CLCN7: variants seen among roughly 807,000 people sequenced by gnomAD.
CLCN7 encodes H(+)/Cl(-) exchange transporter 7.
A neutral mutation model predicts 102.1 loss-of-function variants in CLCN7; 60 were observed. The ratio of observed to expected loss-of-function variants is 0.59; its 90% CI spans 0.48 to 0.73. The LOEUF is 0.73. Ranked by LOEUF, CLCN7 falls within the 30% of genes least tolerant of loss-of-function variation. The pLI, the probability that CLCN7 is intolerant of heterozygous loss-of-function variation, is 0.00. For synonymous variants in CLCN7, 560 were observed against 490.5 expected (o/e 1.14, Z -1.87); for missense variants, 962 against 1,125.7 (o/e 0.85, Z 2.08).
rs2142382653 is a variant in CLCN7, at chr16:1,457,647, C to T, written c.738+47G>A. The T allele has an allele frequency of 6.2e-7, 1 of 1,603,298 alleles. No individual in the cohort carries two copies. Among genetic ancestry groups the T allele is most frequent in the East Asian group, 2.2e-5 (1 of 44,782 alleles). On this transcript the variant is annotated intron_variant, in intron 8 of 24. Coordinates refer to ENST00000382745, the MANE Select transcript of CLCN7 (RefSeq NM_001287.6). This position sits in a 1 kb window ranked among gnomAD's most constrained non-coding sequence, Gnocchi z 5.4. Reference sequence around the variant, plus strand: ...CATGGGCGTGGCGGCCCTCGCGGGCCCGGCGGCCTCAGGCTCCAGCTGGAG... The same window carrying T: ...CATGGGCGTGGCGGCCCTCGCGGGCTCGGCGGCCTCAGGCTCCAGCTGGAG...
At position 1,447,461 on chromosome 16, in the gene CLCN7, G is replaced by C; in HGVS notation, c.2181C>G (p.Ser727=). 1.3e-6 allele frequency: 2 copies of C among 1,552,850 alleles called. No individual in the cohort carries two copies. ...CCATGGTGCACTCCCGCTCGTCCTGGGACACGTGGATGGACTGGATGGGTG... is the reference window on the plus strand; with the variant it reads ...CCATGGTGCACTCCCGCTCGTCCTGCGACACGTGGATGGACTGGATGGGTG... The part of the protein sequence containing the change: ...RFPPIQSIHV[S]QDERECTMDL... Residue 727 remains serine (S), a synonymous_variant, in exon 23 of 25, where the codon TCC becomes TCG. Coordinates refer to ENST00000382745, the MANE Select transcript of CLCN7 (RefSeq NM_001287.6).
intron 6 of CLCN7, among the ~76,000 whole-genome samples, chr16:1,459,846 C>T (rs2038903841): frequency 8.3e-6 from 1 of 120,110 alleles, no homozygotes; most frequent in Admixed American, 8.5e-5. Context: ...GAGCTCAGCA[C>T]ACACGTCGGG....
chr16:1,470,728 C>T (rs1596231250), intron 1 of CLCN7, among the ~76,000 whole-genome samples: 1 of 152,344 alleles, frequency 6.6e-6, no homozygotes, highest in East Asian at 1.9e-4. Context: ...GCTCAAGGGG[C>T]CACTGGCGAC....
intron 7 of CLCN7, among the ~76,000 whole-genome samples, chr16:1,458,375 G>T (rs1410744076): frequency 2.0e-5 from 3 of 152,280 alleles, no homozygotes; most frequent in African/African-American, 7.2e-5. Context: ...GCCAACAAAA[G>T]TTATAGAGCA....
chr16:1,465,686 G>C (rs1475302934), intron 1 of CLCN7, among the ~76,000 whole-genome samples: 1 of 152,238 alleles, frequency 6.6e-6, no homozygotes, highest in Admixed American at 6.5e-5. Context: ...ACAGCACCCT[G>C]GGCCATCCTG....
intron 1 of CLCN7, among the ~76,000 whole-genome samples, chr16:1,473,248 C>T (rs1449662902): frequency 2.0e-5 from 3 of 152,124 alleles, no homozygotes; most frequent in African/African-American, 7.2e-5. Context: ...GGGAGCTGAG[C>T]TGCTGCTTCT....
intron 24 of CLCN7, 94 bp from the exon 25 acceptor site, chr16:1,446,811 A>AG: frequency 8.0e-7 from 1 of 1,252,020 alleles, no homozygotes; most frequent in Non-Finnish European, 1.1e-6. Flanking sequence ...CAGCACAGGC[A>AG]GGGGGCCCTG....
At chr16:1,468,633 C>T (rs1221897197) in intron 1 of CLCN7, among the ~76,000 whole-genome samples, 2 of 152,106 alleles carry the variant, frequency 1.3e-5, no homozygotes, top group African/African-American at 4.8e-5. Flanking sequence ...ACACGTGAGC[C>T]AACACTCCCG....
chr16:1,448,322 T>G (rs754012973), intron 21 of CLCN7, 33 bp downstream of exon 21: 2 of 1,611,314 alleles, frequency 1.2e-6, no homozygotes, highest in African/African-American at 2.7e-5. Context: ...AGAGGTCACA[T>G]AGGCAGGACC....
intron 5 of CLCN7, 133 bp from the exon 6 acceptor site, chr16:1,460,660 G>C: frequency 2.3e-6 from 3 of 1,310,624 alleles, no homozygotes; most frequent in Non-Finnish European, 2.2e-6. Context: ...GGACATCCCA[G>C]AGACGTCTCA....
At chr16:1,451,484 G>T (rs2038749554) in intron 16 of CLCN7, 139 bp downstream of exon 16, 1 of 688,750 alleles carries the variant, frequency 1.5e-6, no homozygotes, top group Non-Finnish European at 2.6e-6. Flanking sequence ...GATTACAGGA[G>T]TGAGTCCCTG....
At position 1,461,660 on chromosome 16, in the gene CLCN7, T is replaced by A. The variant is rs1179249490; in HGVS notation, c.228A>T (p.Pro76=). The change falls in exon 3 of 25, where the codon CCA becomes CCT. Residue 76 remains proline, a synonymous_variant. Transcript: ENST00000382745. ...DELLDPDMDP[P]HPFPKEIPHN... is the part of the protein sequence containing the mutation. ...GTGGGATCTCCTTGGGGAAGGGATG[T>A]GGAGGGTCCATATCCTGTGGCAGAA... 3.1e-6 allele frequency: 5 copies of A among 1,613,922 alleles called. 1 individual carries two copies. The Admixed American group carries it at 8.3e-5, about 27-fold the overall frequency.
chr16:1,453,882 C>G lies in CLCN7; in HGVS notation c.1166G>C (p.Gly389Ala), dbSNP rs1215110284. Residue 389 changes from glycine (G) to alanine (A), a missense_variant, in exon 14 of 25, where the codon GGA becomes GCA. By Grantham distance (60) the Gly-to-Ala change is moderately conservative. Coordinates refer to ENST00000382745, the MANE Select transcript of CLCN7 (RefSeq NM_001287.6). ...IAMGVVGGVL[G>A]AVFNALNYWL... ...GTAGTTCAAGGCATTGAACACTGCTCCAAGCACACCGCCTGCGAACAGGGG... is the reference window on the plus strand; with the variant it reads ...GTAGTTCAAGGCATTGAACACTGCTGCAAGCACACCGCCTGCGAACAGGGG... 6.2e-7 allele frequency: 1 copy of G among 1,613,124 alleles called. No homozygotes were observed. Among genetic ancestry groups the G allele is most frequent in the Non-Finnish European group, 8.5e-7 (1 of 1,180,046 alleles).
chr16:1,446,186 C>G lies in CLCN7; in HGVS notation c.*445G>C. ...AAATGAGGCCAAGCAGCTCCCAAGT[C>G]TCGAAGACTCCACTGGTGTGGAGGC... On this transcript the variant is annotated 3_prime_UTR_variant, in exon 25 of 25. Coordinates refer to ENST00000382745, the MANE Select transcript of CLCN7 (RefSeq NM_001287.6). 3 of 609,878 alleles carry G rather than the reference C, an allele frequency of 4.9e-6. No homozygotes were observed. The South Asian group carries it at 5.9e-5, about 12-fold the overall frequency. The allele number at this position is 609,878 out of a possible 1,614,324, so 37.8% of individuals were successfully genotyped here.
rs776572583 is a variant in CLCN7, at chr16:1,448,779, C to T, written c.1798-13G>A. The T allele has an allele frequency of 1.4e-5, 22 of 1,609,570 alleles. 1 individual carries two copies. In the Middle Eastern group the frequency reaches 5.2e-4, roughly 38 times the overall value. On this transcript the variant is annotated splice_polypyrimidine_tract_variant and intron_variant, in intron 19 of 24. Transcript: ENST00000382745. ...TGTCGTACAGGCCCTGCGGGCGGGG[C>T]GGGAACACAGGGCTTGAGGAGTCCA...
chr16:1,461,088 C>T, intron 4 of CLCN7, 140 bp from the exon 5 acceptor site: 1 of 1,187,386 alleles, frequency 8.4e-7, no homozygotes, highest in Non-Finnish European at 1.2e-6. Flanking sequence ...CCACAAAGGA[C>T]AGTTTCTGGC....
chr16:1,453,156 C>T (rs1039695530), intron 14 of CLCN7, among the ~76,000 whole-genome samples: 2 of 152,096 alleles, frequency 1.3e-5, no homozygotes, highest in African/African-American at 2.4e-5. Flanking sequence ...TACAGGCGCC[C>T]GGCTCTACAT....
intron 19 of CLCN7, 88 bp downstream of exon 19, chr16:1,448,878 C>G (rs376073738): frequency 2.5e-5 from 40 of 1,598,960 alleles, no homozygotes; most frequent in Non-Finnish European, 3.3e-5. Flanking sequence ...GCCTACCCCC[C>G]GGGACCGGCT....
chr16:1,450,374 G>A (rs1369284880), intron 17 of CLCN7, 123 bp downstream of exon 17: 43 of 1,034,008 alleles, frequency 4.2e-5, no homozygotes, highest in African/African-American at 9.5e-5. Context: ...CAACGCCCAC[G>A]GCCCGTGAAC....
Sources: gnomAD v4.1 joint callset for allele counts (sites outside exome capture counted in the v4.1 genomes callset) on GRCh38, gnomAD v4.1.1 for gene constraint, Gnocchi (gnomAD v3.1) non-coding constraint, MANE v1.5 for transcripts, NCBI Gene and HGNC (gene_info 2026-07-23, HGNC 2026-07-21) for gene names.